MGAM: variants seen among roughly 807,000 people sequenced by gnomAD.
MGAM encodes the protein maltase-glucoamylase.
Under a neutral mutation model 358.8 loss-of-function variants are expected in MGAM, and 253 were observed. That is an observed-to-expected ratio of 0.71 (90% confidence interval 0.64 to 0.78). The LOEUF (loss-of-function observed/expected upper bound fraction) is 0.78, where lower values mean the gene tolerates loss of function less well. Among genes scored for constraint, MGAM ranks in the 30% least tolerant of loss-of-function variants. MGAM has a pLI of 0.00. For missense variants in MGAM, 3,080 were observed against 3,432.6 expected (o/e 0.90, Z 2.57); for synonymous variants, 1,105 against 1,227.1 (o/e 0.90, Z 2.08).
intron 24 of MGAM, 21 bp from the exon 25 acceptor site, chr7:142,052,273 A>G: frequency 6.3e-7 from 1 of 1,576,008 alleles, no homozygotes; most frequent in East Asian, 2.3e-5. Flanking sequence ...GAATTTCCTT[A>G]TGATTTCCAC....
intron 44 of MGAM, among the ~76,000 whole-genome samples, chr7:142,073,315 T>A (rs1371234202): frequency 2.1e-5 from 3 of 146,244 alleles, no homozygotes; most frequent in Non-Finnish European, 4.6e-5. Flanking sequence ...TAATGGAAAC[T>A]AACTCTCTTG....
chr7:142,104,792 C>T (rs1373671998), intron 70 of MGAM, among the ~76,000 whole-genome samples: 2 of 152,106 alleles, frequency 1.3e-5, no homozygotes, highest in Non-Finnish European at 2.9e-5. Context: ...AAAATCTGTA[C>T]CTTGGGATTA....
chr7:141,998,840 C>T lies in MGAM; in HGVS notation c.-3+2910C>T, dbSNP rs181608520. ...CCTTAAGGAATTGCCACGCTGTCTTCCACAATGCTTGAACTAATTTACACT... is the reference window on the plus strand; with the variant it reads ...CCTTAAGGAATTGCCACGCTGTCTTTCACAATGCTTGAACTAATTTACACT... On this transcript the variant is annotated intron_variant, in intron 1 of 70. Coordinates refer to ENST00000475668, the MANE Select transcript of MGAM (RefSeq NM_001365693.1). Among the ~76,000 whole-genome samples, 693 of 152,236 alleles carry T rather than the reference C, an allele frequency of 4.6e-3. 1 individual carries two copies. Among genetic ancestry groups the T allele is most frequent in the Middle Eastern group, 0.01 (3 of 294 alleles).
intron 19 of MGAM, 60 bp from the exon 20 acceptor site, chr7:142,040,055 G>A (rs377587075): frequency 1.2e-4 from 158 of 1,297,358 alleles, no homozygotes; most frequent in Non-Finnish European, 1.6e-4. Context: ...AAATTCCCTA[G>A]AGAATAAAAA....
chr7:142,070,586 A>G (rs1813255230), intron 43 of MGAM, among the ~76,000 whole-genome samples: 1 of 145,864 alleles, frequency 6.9e-6, no homozygotes. Context: ...GGATTCTGCT[A>G]AATATCAAAA....
chr7:142,087,589 C>T (rs1814879016), intron 57 of MGAM, among the ~76,000 whole-genome samples: 1 of 146,250 alleles, frequency 6.8e-6, no homozygotes, highest in Non-Finnish European at 1.5e-5. Context: ...TCAATAATGC[C>T]TATTCTTTCT....
At chr7:142,040,030 C>A in intron 19 of MGAM, 85 bp from the exon 20 acceptor site, 2 of 1,032,098 alleles carry the variant, frequency 1.9e-6, no homozygotes, top group Non-Finnish European at 3.0e-6. Flanking sequence ...CCTGCCCTCT[C>A]TGTGTATGAT....
chr7:142,021,625 G>A lies in MGAM; in HGVS notation c.598G>A (p.Glu200Lys), dbSNP rs957482156. Reference sequence around the variant, plus strand: ...CAATAACAGGTTTGAAGTGCCCCACGAACACGTGCAGTCCTTCAGTGGAAA... The same window carrying A: ...CAATAACAGGTTTGAAGTGCCCCACAAACACGTGCAGTCCTTCAGTGGAAA... The part of the protein sequence containing the change: ...QTNNRFEVPH[E>K]HVQSFSGNAA... Residue 200 changes from glutamate to lysine, a missense_variant, in exon 6 of 71, where the codon GAA becomes AAA. Physicochemically the swap from Glu to Lys is moderately conservative, Grantham distance 56 (BLOSUM62 1). Transcript: ENST00000475668. The A allele has an allele frequency of 5.0e-6, 8 of 1,613,756 alleles. No homozygotes were observed. Among genetic ancestry groups the A allele is most frequent in the African/African-American group, 2.7e-5 (2 of 74,920 alleles).
chr7:142,060,109 T>C lies in MGAM; in HGVS notation c.4059+143T>C, dbSNP rs1811983271. On this transcript the variant is annotated intron_variant, in intron 33 of 70. Coordinates refer to ENST00000475668, the MANE Select transcript of MGAM (RefSeq NM_001365693.1). ...TCTGAGGTCAGAAGCTCTCCTTTTCTCAATCAATATTTGTTGATACAATTA... is the reference window on the plus strand; with the variant it reads ...TCTGAGGTCAGAAGCTCTCCTTTTCCCAATCAATATTTGTTGATACAATTA... 2.4e-6 allele frequency: 3 copies of C among 1,272,616 alleles called. No individual in the cohort carries two copies. In the Admixed American group the frequency reaches 7.1e-5, roughly 30 times the overall value. 78.8% of individuals were successfully genotyped at this position (1,272,616 alleles called of 1,614,324 possible).
chr7:141,990,666 A>G (rs1356886901), intron 2 of MGAM, among the ~76,000 whole-genome samples: 1 of 150,566 alleles, frequency 6.6e-6, no homozygotes, highest in Non-Finnish European at 1.5e-5. Flanking sequence ...CTTTTTTTTT[A>G]TGTTTTTTTA....
chr7:142,027,879 ATT>A (rs34441915), intron 10 of MGAM, 144 bp downstream of exon 10: 5,381 of 647,310 alleles, frequency 8.3e-3, no homozygotes, highest in East Asian at 0.023. Context: ...AATACTAGAC[ATT>A]TTTTTTTTTG....
Position 142,052,828 on chromosome 7 carries a change from C to A in MGAM, c.3003C>A (p.Asp1001Glu), listed in dbSNP as rs1269993813. The A allele has an allele frequency of 6.2e-7, 1 of 1,613,752 alleles. No individual in the cohort carries two copies. Among genetic ancestry groups the A allele is most frequent in the Non-Finnish European group, 8.5e-7 (1 of 1,179,852 alleles). Residue 1001 changes from aspartate to glutamate, a missense_variant, in exon 26 of 71, where the codon GAC becomes GAA. By Grantham distance (45) the Asp-to-Glu change is conservative (BLOSUM62 2). Around this residue, in one of 5 missense-constraint regions of MGAM, gnomAD observed 1,816 missense variants for 1,840.5 expected, o/e 0.99. Coordinates refer to ENST00000475668, the MANE Select transcript of MGAM (RefSeq NM_001365693.1). ...TCCCTTTTTGCTATTTTGTCAACGA[C>A]CTATACTCTGTCAGTGATGTTCAGT... Reference protein sequence around the residue: ...SGVPFCYFVNDLYSVSDVQYN... With the variant: ...SGVPFCYFVNELYSVSDVQYN...
chr7:142,034,531 A>C, intron 15 of MGAM, 139 bp from the exon 16 acceptor site: 1 of 991,332 alleles, frequency 1.0e-6, no homozygotes, highest in Non-Finnish European at 1.5e-6. Context: ...TGCTCCCAAC[A>C]GGGACTCTAA....
In MGAM at chr7:142,084,556, T is replaced by TG; in HGVS notation, c.6423dup (p.Phe2142ValfsTer13). On this transcript the variant is annotated frameshift_variant, in exon 54 of 71. Transcript: ENST00000475668. LOFTEE classifies it high-confidence loss of function. ...CCTGTGATGGTACCTTACTGGTCTT[T>TG]GGGGTTCCAGCTGTGTCGCTATGGC... 1 of 1,555,102 alleles carries TG rather than the reference T, an allele frequency of 6.4e-7. No homozygotes were observed. The highest frequency in any genetic ancestry group is 8.8e-7 in the Non-Finnish European group (1 of 1,132,010).
chr7:142,021,807 G>C (rs571969109), intron 6 of MGAM, 70 bp downstream of exon 6: 358 of 1,509,326 alleles, frequency 2.4e-4, no homozygotes, highest in Non-Finnish European at 2.9e-4. Context: ...CATGAAGAAG[G>C]GGGTGTTTCA....
Position 142,080,568 on chromosome 7 carries a change from T to G in MGAM, c.5848-223T>G, listed in dbSNP as rs141239009. On this transcript the variant is annotated intron_variant, in intron 49 of 70. Coordinates refer to ENST00000475668, the MANE Select transcript of MGAM (RefSeq NM_001365693.1). ...TTCTACGTTAGCACCAATGTCACAA[T>G]GCTTATATTGATGCAGTAGAGGCCT... Among the ~76,000 whole-genome samples the G allele has an allele frequency of 5.3e-4, 78 of 146,222 alleles. 4 individuals carry two copies. Among genetic ancestry groups the G allele is most frequent in the African/African-American group, 1.6e-3 (65 of 41,204 alleles).
At chr7:142,063,659 G>A in intron 36 of MGAM, 73 bp downstream of exon 36, 1 of 1,526,316 alleles carries the variant, frequency 6.6e-7, no homozygotes, top group Non-Finnish European at 8.9e-7. Flanking sequence ...CCGAGGCCAG[G>A]GGCAGCCCCA....
At chr7:142,008,038 T>A (rs1805301941) in intron 2 of MGAM, among the ~76,000 whole-genome samples, 1 of 152,208 alleles carries the variant, frequency 6.6e-6, no homozygotes, top group African/African-American at 2.4e-5. Flanking sequence ...ATACAGACTC[T>A]GCCATAATGA....
chr7:142,095,972 G>T (rs934789926), intron 64 of MGAM: 1 of 630,018 alleles, frequency 1.6e-6, no homozygotes, highest in Non-Finnish European at 2.7e-6. Flanking sequence ...CTGTGCAAAG[G>T]CCTATCTATC....
Sources: allele counts gnomAD v4.1 joint callset (sites outside exome capture counted in the v4.1 genomes callset), GRCh38; gene constraint gnomAD v4.1.1; regional missense constraint gnomAD v4.1.1; transcripts MANE v1.5; gene names NCBI Gene and HGNC (gene_info 2026-07-23, HGNC 2026-07-21).